FNBP1: variants seen among roughly 807,000 people sequenced by gnomAD.
FNBP1 encodes the protein formin binding protein 1.
A neutral mutation model predicts 90.6 loss-of-function variants in FNBP1; 26 were observed. The observed-to-expected ratio is 0.29, with a 90% CI of 0.21 to 0.40. The LOEUF (loss-of-function observed/expected upper bound fraction) is 0.40. Ranked by LOEUF, FNBP1 falls within the 10% of genes least tolerant of loss-of-function variation. FNBP1 has a pLI of 1.00. For synonymous variants in FNBP1, 260 were observed against 265.2 expected, an observed-to-expected ratio of 0.98 and a Z score of 0.19; for missense variants, 635 against 768.0, an observed-to-expected ratio of 0.83 and a Z score of 2.05.
chr9:129,924,819 T>C, intron 9 of FNBP1, 141 bp downstream of exon 9: 2 of 720,374 alleles, frequency 2.8e-6, no homozygotes, highest in Non-Finnish European at 4.6e-6. Context: ...AAAGAAATAC[T>C]GTCTCAACAT....
intron 1 of FNBP1, among the ~76,000 whole-genome samples, chr9:130,025,716 G>A (rs1035365161): frequency 3.3e-5 from 5 of 152,212 alleles, no homozygotes; most frequent in Non-Finnish European, 7.3e-5. Flanking sequence ...CTGAGGTCAG[G>A]AGTTCCAGAC....
At position 130,031,488 on chromosome 9, in the gene FNBP1, G is replaced by A. The variant is rs183156122; in HGVS notation, c.24+11464C>T. ...CATACCATTTCCTCCTTCTTTTCCC[G>A]GAAGGCTCTGTCCAGATCCCCTCCA... On this transcript the variant is annotated intron_variant, in intron 1 of 16. Transcript: ENST00000446176. The surrounding 1 kb of genome is among the most constrained non-coding windows in gnomAD (Gnocchi z 4.2). Among the ~76,000 whole-genome samples the A allele has an allele frequency of 5.3e-5, 8 of 152,036 alleles. 1 individual carries two copies. The East Asian group carries it at 1.4e-3, about 26-fold the overall frequency.
At chr9:129,905,381 G>T (rs2037822710) in intron 12 of FNBP1, among the ~76,000 whole-genome samples, 2 of 151,000 alleles carry the variant, frequency 1.3e-5, no homozygotes, top group African/African-American at 4.9e-5. Context: ...GTATGATCTT[G>T]GCTCACTGCA....
intron 1 of FNBP1, among the ~76,000 whole-genome samples, chr9:130,012,472 C>T (rs778869151): frequency 5.3e-5 from 8 of 151,818 alleles, no homozygotes; most frequent in Non-Finnish European, 1.2e-4. Context: ...GCATATCTAT[C>T]GGGAAAAATG....
Position 129,900,236 on chromosome 9 carries a change from T to C in FNBP1, c.1551-135A>G, listed in dbSNP as rs2036645999. 3.4e-6 allele frequency: 4 copies of C among 1,162,192 alleles called. No individual in the cohort carries two copies. In the East Asian group the frequency reaches 1.1e-4, roughly 33 times the overall value. 72.0% of individuals were successfully genotyped at this position (1,162,192 alleles called of 1,614,324 possible). On this transcript the variant is annotated intron_variant, in intron 14 of 16. Coordinates refer to ENST00000446176, the MANE Select transcript of FNBP1 (RefSeq NM_015033.3). The surrounding 1 kb of genome is among the most constrained non-coding windows in gnomAD (Gnocchi z 4.1). ...CTGTAACTGAGGCCATGGTAAATCA[T>C]CGCACGCTCAGATCACCCATCCCAT...
chr9:129,980,867 T>C (rs905046832), intron 2 of FNBP1, among the ~76,000 whole-genome samples: 3 of 151,318 alleles, frequency 2.0e-5, no homozygotes, highest in African/African-American at 4.8e-5. Context: ...CTGGCTAACA[T>C]GGTGAAACCC....
At chr9:129,940,852 C>T (rs1432512374) in intron 6 of FNBP1, among the ~76,000 whole-genome samples, 1 of 151,898 alleles carries the variant, frequency 6.6e-6, no homozygotes, top group African/African-American at 2.4e-5. Flanking sequence ...GTCTCAATCT[C>T]TTGACCTCGT....
chr9:129,978,162 A>T (rs979884139), intron 4 of FNBP1, among the ~76,000 whole-genome samples: 2 of 152,060 alleles, frequency 1.3e-5, no homozygotes, highest in African/African-American at 4.8e-5. Context: ...CTGGGATTAC[A>T]GCCACATGCC....
rs1564642227 is a variant in FNBP1, at chr9:130,041,660, T to C, written c.24+1292A>G. Among the ~76,000 whole-genome samples, 1 of 152,248 alleles carries C rather than the reference T, an allele frequency of 6.6e-6. No individual in the cohort carries two copies. The highest frequency in any genetic ancestry group is 2.4e-5 in the African/African-American group (1 of 41,476). ...ATCCCTTTTAGGCAGAAGATGTTTATAAAATGAATTATCTTAATTTAAGGG... is the reference window on the plus strand; with the variant it reads ...ATCCCTTTTAGGCAGAAGATGTTTACAAAATGAATTATCTTAATTTAAGGG... On this transcript the variant is annotated intron_variant, in intron 1 of 16. Transcript: ENST00000446176. This position sits in a 1 kb window ranked among gnomAD's most constrained non-coding sequence, Gnocchi z 4.3.
chr9:129,963,959 A>AT (rs1231047343), intron 4 of FNBP1, among the ~76,000 whole-genome samples: 1 of 152,124 alleles, frequency 6.6e-6, no homozygotes, highest in African/African-American at 2.4e-5. Context: ...TTATTTGGCC[A>AT]TAACATACGA....
chr9:129,928,660 C>CAA (rs901155477), intron 7 of FNBP1, among the ~76,000 whole-genome samples: 1 of 96,004 alleles, frequency 1.0e-5, no homozygotes. Context: ...GACTCCATCT[C>CAA]AAAAAAAAAA....
chr9:129,906,421 C>T (rs958083669), intron 12 of FNBP1, among the ~76,000 whole-genome samples: 1 of 152,094 alleles, frequency 6.6e-6, no homozygotes, highest in Non-Finnish European at 1.5e-5. Flanking sequence ...GGGAGGGACC[C>T]AGTGGGAAGT....
chr9:129,983,904 C>A (rs2051712038), intron 2 of FNBP1, among the ~76,000 whole-genome samples: 1 of 152,136 alleles, frequency 6.6e-6, no homozygotes, highest in Admixed American at 6.6e-5. Context: ...TTTATGGGGT[C>A]TTTCTGAGAA....
chr9:129,952,020 C>A (rs1003441349), intron 6 of FNBP1, among the ~76,000 whole-genome samples: 1 of 150,754 alleles, frequency 6.6e-6, no homozygotes, highest in African/African-American at 2.4e-5. Flanking sequence ...GGTGAAACCC[C>A]ATCTCTGCTA....
At chr9:129,999,113 A>G (rs1370682251) in intron 1 of FNBP1, among the ~76,000 whole-genome samples, 2 of 152,228 alleles carry the variant, frequency 1.3e-5, no homozygotes, top group Non-Finnish European at 2.9e-5. Context: ...TACATTCTTG[A>G]CTAAAATGTG....
intron 4 of FNBP1, among the ~76,000 whole-genome samples, chr9:129,960,327 TGAGCC>T (rs1372401478): frequency 1.4e-5 from 2 of 138,806 alleles, no homozygotes; most frequent in Admixed American, 8.2e-5. Flanking sequence ...TGCACTGCAC[TGAGCC>T]GAGATCGCGC....
chr9:129,915,839 A>C lies in FNBP1; in HGVS notation c.1185+127T>G, dbSNP rs948801131. 6.0e-6 allele frequency: 4 copies of C among 665,002 alleles called. No individual in the cohort carries two copies. In the African/African-American group the frequency reaches 7.3e-5, roughly 12 times the overall value. The allele number at this position is 665,002 out of a possible 1,614,324, so 41.2% of individuals were successfully genotyped here. On this transcript the variant is annotated intron_variant, in intron 11 of 16. Coordinates refer to ENST00000446176, the MANE Select transcript of FNBP1 (RefSeq NM_015033.3). ...AAGTCTAATAAGGAAACACCAACAAAAGCACACGTAAGAGAAACACAAACC... is the reference window on the plus strand; with the variant it reads ...AAGTCTAATAAGGAAACACCAACAACAGCACACGTAAGAGAAACACAAACC...
intron 11 of FNBP1, among the ~76,000 whole-genome samples, chr9:129,913,020 C>G (rs1388335553): frequency 6.6e-6 from 1 of 151,874 alleles, no homozygotes; most frequent in African/African-American, 2.4e-5. Flanking sequence ...AGTTCAAGAC[C>G]AGCCTGGCCA....
chr9:130,018,255 GT>G (rs2057456792), intron 1 of FNBP1, among the ~76,000 whole-genome samples: 1 of 145,320 alleles, frequency 6.9e-6, no homozygotes, highest in African/African-American at 2.5e-5. Context: ...TGTGTTTAAA[GT>G]GTGTGTGTGT....
Sources: allele counts gnomAD v4.1 joint callset (sites outside exome capture counted in the v4.1 genomes callset), GRCh38; gene constraint gnomAD v4.1.1; non-coding constraint Gnocchi (gnomAD v3.1); transcripts MANE v1.5; gene names NCBI Gene and HGNC (gene_info 2026-07-23, HGNC 2026-07-21).